BTK: variants seen among roughly 807,000 people sequenced by gnomAD.
BTK encodes the protein Bruton tyrosine kinase, also known as tyrosine-protein kinase BTK.
A neutral mutation model predicts 57.4 loss-of-function variants in BTK; 5 were observed. That is an observed-to-expected ratio of 0.09 (90% CI 0.05 to 0.18). The LOEUF is 0.18. Among genes scored for constraint, BTK ranks in the 10% least tolerant of loss-of-function variants. The pLI, the probability that BTK is intolerant of heterozygous loss-of-function variation, is 1.00. For synonymous variants in BTK, 154 were observed against 174.3 expected (o/e 0.88, Z 0.92); for missense variants, 194 against 501.2 (o/e 0.39, Z 5.85).
chrX:101,387,349 T>G (rs1248405802), upstream of BTK, among the ~76,000 whole-genome samples: 2 of 86,602 alleles, frequency 2.3e-5, no homozygotes, highest in African/African-American at 1.0e-4. Flanking sequence ...CCTGGGACCT[T>G]TTTTTTTTTT....
Position 101,349,968 on chromosome X carries a change from G to A in BTK, c.1909-12C>T. On this transcript the variant is annotated splice_polypyrimidine_tract_variant and intron_variant, in intron 18 of 18. Transcript: ENST00000308731. ...CGCTCATCTGCTTTCTAAAACCAAA[G>A]AAAAAGTAAAGTGTTAGAGTGGCTA... 8.5e-7 allele frequency: 1 copy of A among 1,177,571 alleles called. No individual in the cohort carries two copies. Among genetic ancestry groups the A allele is most frequent in the Non-Finnish European group, 1.2e-6 (1 of 865,839 alleles).
At chrX:101,368,154 G>A (rs1472775842) in intron 5 of BTK, among the ~76,000 whole-genome samples, 1 of 111,786 alleles carries the variant, frequency 8.9e-6, no homozygotes, top group Non-Finnish European at 1.9e-5. Context: ...AAATGGGGAT[G>A]ACAAGATAAC....
chrX:101,352,995 G>A, intron 18 of BTK, 199 bp downstream of exon 18: 1 of 418,112 alleles, frequency 2.4e-6, no homozygotes, highest in Non-Finnish European at 4.1e-6. Flanking sequence ...GAATCTGGGA[G>A]GCGAAGGTTG....
At chrX:101,364,601 T>G (rs1196379536) in intron 5 of BTK, among the ~76,000 whole-genome samples, 1 of 108,119 alleles carries the variant, frequency 9.2e-6, no homozygotes, top group Admixed American at 9.9e-5. Flanking sequence ...TTTCTCCACA[T>G]AGATTTGAAA....
At chrX:101,388,553 G>C (rs1006282535), upstream of BTK, among the ~76,000 whole-genome samples, 9 of 111,993 alleles carry the variant, frequency 8.0e-5, no homozygotes, top group African/African-American at 2.9e-4. Flanking sequence ...TTGTGTGCTA[G>C]ACTGGATGAC....
chrX:101,374,579 G>C lies in BTK; in HGVS notation c.197C>G (p.Thr66Arg). 1.7e-6 allele frequency: 2 copies of C among 1,211,284 alleles called. No individual in the cohort carries two copies. The highest frequency in any genetic ancestry group is 2.2e-6 in the Non-Finnish European group (2 of 895,141). ...IDVEKITCVETVVPEKNPPPE... is the reference protein window; with the variant it reads ...IDVEKITCVERVVPEKNPPPE... ...AGGAGGATTTTTTTCAGGAACCACTGTTTCAACACAAGTGATCTTCTCAAC... is the reference window on the plus strand; with the variant it reads ...AGGAGGATTTTTTTCAGGAACCACTCTTTCAACACAAGTGATCTTCTCAAC... The change falls in exon 3 of 19, where the codon ACA becomes AGA. Residue 66 changes from threonine to arginine, a missense_variant. By Grantham distance (71) the Thr-to-Arg change is moderately conservative. Transcript: ENST00000308731.
chrX:101,353,021 G>A (rs1357719778), intron 18 of BTK, 173 bp downstream of exon 18: 4 of 457,618 alleles, frequency 8.7e-6, no homozygotes, highest in African/African-American at 5.1e-5. Context: ...AGCCAAGATC[G>A]CGCCACTGTA....
intron 6 of BTK, 74 bp from the exon 7 acceptor site, chrX:101,362,314 C>A: frequency 8.9e-7 from 1 of 1,129,757 alleles, no homozygotes; most frequent in Non-Finnish European, 1.2e-6. Flanking sequence ...TGGTCAGGGA[C>A]TTTGCCGTCC....
intron 5 of BTK, among the ~76,000 whole-genome samples, chrX:101,369,200 C>T (rs1255711101): frequency 8.9e-6 from 1 of 112,242 alleles, no homozygotes; most frequent in Non-Finnish European, 1.9e-5. Context: ...AAATATTTAT[C>T]CACAACAAAG....
chrX:101,381,007 GAAAAA>G (rs782713123), intron 1 of BTK, among the ~76,000 whole-genome samples: 1 of 24,742 alleles, frequency 4.0e-5, no homozygotes, highest in Non-Finnish European at 7.9e-5. Context: ...ACTCGGTCGC[GAAAAA>G]AAAAAAAAAA....
intron 12 of BTK, chrX:101,358,023 G>A: frequency 2.2e-6 from 1 of 448,326 alleles, no homozygotes; most frequent in African/African-American, 2.3e-5. Flanking sequence ...GGAAATCGCT[G>A]AGTACACAGT....
chrX:101,376,205 C>A (rs1927209101), intron 1 of BTK, among the ~76,000 whole-genome samples: 1 of 112,179 alleles, frequency 8.9e-6, no homozygotes, highest in Non-Finnish European at 1.9e-5. Context: ...AAAGTCACCA[C>A]TGGCTTTTTT....
intron 5 of BTK, among the ~76,000 whole-genome samples, chrX:101,369,457 T>C (rs969912606): frequency 8.9e-6 from 1 of 111,936 alleles, no homozygotes; most frequent in Non-Finnish European, 1.9e-5. Flanking sequence ...TCAAGCACTC[T>C]CATACATCAT....
chrX:101,366,453 C>G (rs1926852605), intron 5 of BTK, among the ~76,000 whole-genome samples: 1 of 111,114 alleles, frequency 9.0e-6, no homozygotes, highest in Non-Finnish European at 1.9e-5. Flanking sequence ...CATGAGGTCC[C>G]CTTTTCATGT....
intron 1 of BTK, among the ~76,000 whole-genome samples, chrX:101,385,503 C>G (rs782737965): frequency 2.7e-5 from 3 of 112,358 alleles, no homozygotes; most frequent in Non-Finnish European, 5.6e-5. Flanking sequence ...AATAAGCCAG[C>G]TCTGACCCTG....
In BTK at chrX:101,360,572, T is replaced by C. The variant is rs781889506; in HGVS notation, c.772A>G (p.Asn258Asp). 1 of 1,211,421 alleles carries C rather than the reference T, an allele frequency of 8.3e-7. No individual in the cohort carries two copies. Among genetic ancestry groups the C allele is most frequent in the South Asian group, 1.8e-5 (1 of 57,003 alleles). Residue 258 changes from asparagine to aspartate, a missense_variant, in exon 8 of 19, where the codon AAT (asparagine) becomes GAT (aspartate). By Grantham distance (23) the Asn-to-Asp change is conservative (BLOSUM62 1). This residue lies in a region of BTK where 115 missense variants were observed against 258.3 expected (regional missense o/e 0.45). Coordinates refer to ENST00000308731, the MANE Select transcript of BTK (RefSeq NM_000061.3). The part of the protein sequence containing the change: ...NLPWWRARDK[N>D]GQEGYIPSNY... ...GAAGGGCTGGTGTGGACTCACCCAT[T>C]TTTATCTCGTGCTCTCCACCATGGT...
chrX:101,387,240 G>T (rs1927640181), upstream of BTK, among the ~76,000 whole-genome samples: 1 of 110,314 alleles, frequency 9.1e-6, no homozygotes, highest in Admixed American at 9.7e-5. Flanking sequence ...TGCAGAAGGT[G>T]CAAGTTTGTT....
At chrX:101,355,591 T>C (rs1208028740) in intron 15 of BTK, 1 of 126,068 alleles carries the variant, frequency 7.9e-6, no homozygotes, top group Non-Finnish European at 1.6e-5. Flanking sequence ...AGGGTTTTTT[T>C]TTTTTTAAGC....
intron 5 of BTK, among the ~76,000 whole-genome samples, chrX:101,366,980 A>C (rs1172101201): frequency 8.9e-6 from 1 of 112,513 alleles, no homozygotes; most frequent in Non-Finnish European, 1.9e-5. Flanking sequence ...ATAGTGGCTT[A>C]CGCCTGTAAT....
Sources: allele counts gnomAD v4.1 joint callset (sites outside exome capture counted in the v4.1 genomes callset), GRCh38; gene constraint gnomAD v4.1.1; regional missense constraint gnomAD v4.1.1; transcripts MANE v1.5; gene names NCBI Gene and HGNC (gene_info 2026-07-23, HGNC 2026-07-21).